Variants in NBEA observed in about 807,000 individuals in gnomAD.
The protein encoded by NBEA is lysosomal-trafficking regulator 2.
NBEA carries 44 observed loss-of-function variants against 343.4 expected under a neutral mutation model. The ratio of observed to expected loss-of-function variants is 0.13; its 90% CI spans 0.10 to 0.16. NBEA has a LOEUF of 0.16. NBEA is among the 10% of genes least tolerant of loss of function. The pLI is 1.00. For missense variants in NBEA, 2,555 were observed against 3,631.3 expected (o/e 0.70, Z 7.62); for synonymous variants, 1,175 against 1,238.7 (o/e 0.95, Z 1.08).
chr13:35,113,370 T>G (rs2066312225), intron 13 of NBEA, among the ~76,000 whole-genome samples: 1 of 152,144 alleles, frequency 6.6e-6, no homozygotes, highest in African/African-American at 2.4e-5. Context: ...ACAAAATCAC[T>G]CCTTTCTCTT....
At chr13:35,213,332 A>G (rs1050335081) in intron 33 of NBEA, among the ~76,000 whole-genome samples, 1 of 152,052 alleles carries the variant, frequency 6.6e-6, no homozygotes, top group Non-Finnish European at 1.5e-5. Flanking sequence ...TCTTTAAGTC[A>G]TACCATCTTA....
chr13:35,114,931 T>A (rs2066420542), intron 13 of NBEA, among the ~76,000 whole-genome samples: 1 of 152,176 alleles, frequency 6.6e-6, no homozygotes, highest in African/African-American at 2.4e-5. Flanking sequence ...CTAAAGATAA[T>A]TTGCACTACA....
At chr13:35,109,218 T>A (rs557057001) in intron 11 of NBEA, 72 bp from the exon 12 acceptor site, 3 of 1,367,688 alleles carry the variant, frequency 2.2e-6, no homozygotes, top group Non-Finnish European at 2.9e-6. Context: ...CATGTGTCCT[T>A]ATGCTAAATC....
At chr13:35,321,097 A>G (rs559219375) in intron 36 of NBEA, among the ~76,000 whole-genome samples, 11 of 152,014 alleles carry the variant, frequency 7.2e-5, no homozygotes, top group Admixed American at 1.3e-4. Flanking sequence ...GCTTCTGTCA[A>G]TTTGTCAAAC....
chr13:35,351,946 T>C (rs945443647), intron 37 of NBEA, among the ~76,000 whole-genome samples: 2 of 152,048 alleles, frequency 1.3e-5, no homozygotes, highest in East Asian at 3.9e-4. Flanking sequence ...ACTTCAATAT[T>C]ATTCAAATTA....
chr13:35,107,276 TCC>T (rs140600093), intron 11 of NBEA, among the ~76,000 whole-genome samples: 4 of 150,988 alleles, frequency 2.6e-5, no homozygotes, highest in Non-Finnish European at 4.4e-5. Context: ...TTGTTTTGGT[TCC>T]CCCCCCTTTA....
At chr13:35,035,799 A>C (rs1306096907) in intron 1 of NBEA, among the ~76,000 whole-genome samples, 1 of 151,766 alleles carries the variant, frequency 6.6e-6, no homozygotes, top group Non-Finnish European at 1.5e-5. Flanking sequence ...TTTGTCTTGA[A>C]ATCTCTTTTG....
intron 38 of NBEA, among the ~76,000 whole-genome samples, chr13:35,354,250 T>G (rs983853295): frequency 2.6e-5 from 4 of 152,176 alleles, no homozygotes; most frequent in Admixed American, 2.6e-4. Context: ...ACAGACCTTG[T>G]CTCCCTTTTT....
chr13:35,475,243 C>A, intron 41 of NBEA: 1 of 1,613,852 alleles, frequency 6.2e-7, no homozygotes, highest in Non-Finnish European at 8.5e-7. Context: ...CCCGTTCAGC[C>A]GATCACCCAG....
intron 38 of NBEA, among the ~76,000 whole-genome samples, chr13:35,383,867 G>T (rs910291788): frequency 2.6e-5 from 4 of 152,020 alleles, no homozygotes; most frequent in Non-Finnish European, 5.9e-5. Context: ...AAATTTGTGT[G>T]TATGAGCATG....
chr13:35,659,771 A>G (rs534619228), intron 55 of NBEA, among the ~76,000 whole-genome samples: 14 of 152,350 alleles, frequency 9.2e-5, no homozygotes, highest in Non-Finnish European at 1.5e-5. Flanking sequence ...GCGGCTTTGA[A>G]CGTATAAATT....
intron 30 of NBEA, among the ~76,000 whole-genome samples, chr13:35,184,502 C>G (rs997544844): frequency 1.3e-5 from 2 of 151,704 alleles, no homozygotes; most frequent in African/African-American, 2.4e-5. Context: ...TGCGAAAAGT[C>G]CATATGAAAA....
At chr13:35,558,800 A>C (rs1454516935) in intron 44 of NBEA, among the ~76,000 whole-genome samples, 1 of 152,214 alleles carries the variant, frequency 6.6e-6, no homozygotes, top group East Asian at 1.9e-4. Flanking sequence ...TGCATATAAA[A>C]CATTTAAAAC....
rs188097839 is a variant in NBEA at position 35,041,046 on chromosome 13, A to G, written c.408A>G (p.Ile136Met). The G allele has an allele frequency of 6.2e-6, 10 of 1,613,304 alleles. No homozygotes were observed. The Admixed American group carries it at 1.5e-4, about 24-fold the overall frequency. ...GTGATGTAACATGTCAAGCAGAAATATGGAGCATGTTTACAGCCATTCTAC... is the reference window on the plus strand; with the variant it reads ...GTGATGTAACATGTCAAGCAGAAATGTGGAGCATGTTTACAGCCATTCTAC... ...EHCDVTCQAE[I>M]WSMFTAILRK... Residue 136 changes from isoleucine (I) to methionine (M), a missense_variant, in exon 2 of 59, where the codon ATA (isoleucine) becomes ATG (methionine). By Grantham distance (10) the Ile-to-Met change is conservative. Transcript: ENST00000379939.
chr13:35,545,426 G>A (rs12871646), intron 41 of NBEA, among the ~76,000 whole-genome samples: 10,689 of 152,214 alleles, frequency 0.07, 626 homozygotes, highest in East Asian at 0.21. Flanking sequence ...CCCAGTGCCT[G>A]TGAGCAGAGC....
At chr13:35,104,613 G>A (rs182462889) in intron 11 of NBEA, among the ~76,000 whole-genome samples, 13 of 151,538 alleles carry the variant, frequency 8.6e-5, no homozygotes, top group African/African-American at 2.9e-4. Context: ...AATAGTATAG[G>A]TAATAGAAGT....
intron 34 of NBEA, among the ~76,000 whole-genome samples, chr13:35,284,796 T>A (rs772233735): frequency 5.3e-5 from 8 of 152,066 alleles, no homozygotes; most frequent in Non-Finnish European, 1.2e-4. Context: ...GAGAAGCATA[T>A]CACAGTGAGG....
intron 35 of NBEA, among the ~76,000 whole-genome samples, chr13:35,293,267 T>C (rs552447701): frequency 5.3e-5 from 8 of 152,178 alleles, no homozygotes; most frequent in African/African-American, 1.9e-4. Context: ...TTTTCATCTT[T>C]GTGGAAAACA....
At chr13:35,442,974 C>G (rs1459847136) in intron 39 of NBEA, among the ~76,000 whole-genome samples, 1 of 152,058 alleles carries the variant, frequency 6.6e-6, no homozygotes, top group African/African-American at 2.4e-5. Context: ...CTTTTGCTTG[C>G]AAGTATCCTT....
Sources: allele counts gnomAD v4.1 joint callset (sites outside exome capture counted in the v4.1 genomes callset), GRCh38; gene constraint gnomAD v4.1.1; transcripts MANE v1.5; gene names NCBI Gene and HGNC (gene_info 2026-07-23, HGNC 2026-07-21).